KHDRBS2: variants seen among roughly 807,000 people sequenced by gnomAD.
KHDRBS2 encodes the protein KH RNA binding domain containing, signal transduction associated 2, also known as KH domain-containing, RNA-binding, signal transduction-associated protein 2.
Under a neutral mutation model 44.3 loss-of-function variants are expected in KHDRBS2, and 26 were observed. The ratio of observed to expected loss-of-function variants is 0.59; its 90% CI spans 0.43 to 0.81. The LOEUF is 0.81. KHDRBS2 is among the 40% of genes least tolerant of loss of function. KHDRBS2 has a pLI of 0.00. For missense variants in KHDRBS2, 476 were observed against 433.1 expected, an observed-to-expected ratio of 1.10 and a Z score of -0.88; for synonymous variants, 194 against 151.1, an observed-to-expected ratio of 1.28 and a Z score of -2.08.
chr6:62,252,467 CTTA>C (rs1234716053), intron 1 of KHDRBS2, among the ~76,000 whole-genome samples: 1 of 151,882 alleles, frequency 6.6e-6, no homozygotes, highest in Non-Finnish European at 1.5e-5. Context: ...CTATTCAAAT[CTTA>C]TTATAGATAT....
rs1807988859 is a variant in KHDRBS2 at position 62,122,763 on chromosome 6, CCACTCAGGTGAGTGGAGGCCAG to C, written c.219+54400_219+54421del. 2.4e-5 allele frequency among the ~76,000 whole-genome samples: 3 copies of C among 125,886 alleles called. 1 individual carries two copies. The highest frequency in any genetic ancestry group is 2.5e-4 in the South Asian group (1 of 3,950). The allele number at this position is 125,886 out of a possible 152,430, so 82.6% of individuals were successfully genotyped here. A position where few individuals can be genotyped will look rare whatever the true frequency, so the allele number is the denominator to read the frequency against. ...ACTACAGCCCCCTTTTAGCCAGTGT[CCACTCAGGTGAGTGGAGGCCAG>C]TTTTAAACAAGGCCAGTTTCATAAA... On this transcript the variant is annotated intron_variant, in intron 2 of 8. Transcript: ENST00000281156.
At chr6:62,020,831 C>A (rs79272342) in intron 3 of KHDRBS2, among the ~76,000 whole-genome samples, 31,217 of 151,918 alleles carry the variant, frequency 0.21, 3,767 homozygotes, top group Admixed American at 0.32. Context: ...TTCAAGTGTG[C>A]ATCTCAGAGG....
chr6:61,773,635 C>T (rs1781398660), intron 6 of KHDRBS2, among the ~76,000 whole-genome samples: 1 of 149,272 alleles, frequency 6.7e-6, no homozygotes, highest in African/African-American at 2.5e-5. Context: ...TGTGCAGAAG[C>T]TCTTTAGTTT....
intron 2 of KHDRBS2, among the ~76,000 whole-genome samples, chr6:62,102,158 C>G (rs1324548273): frequency 6.6e-6 from 1 of 152,084 alleles, no homozygotes; most frequent in Non-Finnish European, 1.5e-5. Context: ...TTTAATAGGA[C>G]TTGAAAATTC....
chr6:62,032,302 C>T (rs960149966), intron 3 of KHDRBS2, among the ~76,000 whole-genome samples: 24 of 152,072 alleles, frequency 1.6e-4, no homozygotes, highest in Non-Finnish European at 2.5e-4. Context: ...CAGCTGCCAG[C>T]GCAGCTAGAC....
At chr6:61,954,408 TGCATACATATATACGTATGTATGC>T (rs1336511656) in intron 4 of KHDRBS2, among the ~76,000 whole-genome samples, 50 of 90,902 alleles carry the variant, frequency 5.5e-4, no homozygotes, top group African/African-American at 1.4e-3. Flanking sequence ...TATGTATGCA[TGCATACATATATACGTATGTATGC>T]ATGCATACAT....
At chr6:61,606,762 G>A in the KHDRBS2 span, among the ~76,000 whole-genome samples, 329 of 152,292 alleles carry the variant, frequency 2.2e-3, 9 homozygotes, top group East Asian at 0.054. Context: ...ATTGAGGAGG[G>A]CTTCAGAGAA....
the KHDRBS2 span, among the ~76,000 whole-genome samples, chr6:61,658,599 A>G: frequency 6.6e-6 from 1 of 151,960 alleles, no homozygotes; most frequent in Non-Finnish European, 1.5e-5. Flanking sequence ...AAAAACACAC[A>G]TTTCCAGGTT....
At chr6:62,002,395 C>A (rs966126070) in intron 3 of KHDRBS2, among the ~76,000 whole-genome samples, 2 of 151,606 alleles carry the variant, frequency 1.3e-5, no homozygotes, top group African/African-American at 4.8e-5. Flanking sequence ...GGATACTTTT[C>A]TGATAAAAAT....
At chr6:61,981,811 T>C (rs929114773) in intron 3 of KHDRBS2, among the ~76,000 whole-genome samples, 9 of 152,138 alleles carry the variant, frequency 5.9e-5, no homozygotes, top group Non-Finnish European at 8.8e-5. Flanking sequence ...ATGGGAAGCA[T>C]TGTCAAATAA....
chr6:61,572,390 A>G, the KHDRBS2 span, among the ~76,000 whole-genome samples: 5 of 152,184 alleles, frequency 3.3e-5, no homozygotes, highest in Admixed American at 2.0e-4. Context: ...TCAATGAGAC[A>G]TTCAAAGAAG....
chr6:62,121,612 C>T (rs1375348497), intron 2 of KHDRBS2, among the ~76,000 whole-genome samples: 2 of 152,226 alleles, frequency 1.3e-5, no homozygotes, highest in Non-Finnish European at 2.9e-5. Flanking sequence ...CTTCAGCTGG[C>T]AAGGCCAGCA....
intron 6 of KHDRBS2, chr6:61,814,018 C>A (rs1788522969): frequency 2.2e-6 from 1 of 455,802 alleles, no homozygotes; most frequent in Non-Finnish European, 4.4e-6. Context: ...TCTGGTTGAA[C>A]TCCAATTAGA....
intron 6 of KHDRBS2, among the ~76,000 whole-genome samples, chr6:61,814,710 G>A (rs1192922453): frequency 6.6e-6 from 1 of 152,128 alleles, no homozygotes; most frequent in Non-Finnish European, 1.5e-5. Flanking sequence ...AATGAGTGTG[G>A]TCAGGGGTGG....
chr6:62,069,758 T>C (rs904033591), intron 2 of KHDRBS2, among the ~76,000 whole-genome samples: 1 of 151,832 alleles, frequency 6.6e-6, no homozygotes, highest in Non-Finnish European at 1.5e-5. Context: ...GGATAGTTTG[T>C]ACTGCCATTA....
chr6:61,782,731 ATATAT>A (rs2127582024), intron 6 of KHDRBS2, among the ~76,000 whole-genome samples: 1 of 139,872 alleles, frequency 7.1e-6, no homozygotes, highest in East Asian at 2.1e-4. Flanking sequence ...ATATATATAT[ATATAT>A]ATACACACAC....
At chr6:62,069,988 A>G (rs1299284321) in intron 2 of KHDRBS2, among the ~76,000 whole-genome samples, 3 of 151,222 alleles carry the variant, frequency 2.0e-5, no homozygotes, top group Non-Finnish European at 4.4e-5. Context: ...TAGGATTTTT[A>G]GTTTGTTTTG....
At chr6:62,081,997 T>A (rs1181360251) in intron 2 of KHDRBS2, among the ~76,000 whole-genome samples, 39 of 152,112 alleles carry the variant, frequency 2.6e-4, no homozygotes, top group Admixed American at 2.1e-3. Context: ...AATATTGAAA[T>A]ACATCAAAAA....
At chr6:62,152,035 A>G (rs1030151269) in intron 2 of KHDRBS2, among the ~76,000 whole-genome samples, 1 of 152,164 alleles carries the variant, frequency 6.6e-6, no homozygotes, top group African/African-American at 2.4e-5. Context: ...AATAGTGCTT[A>G]CTGGCTGGGC....
Sources: gnomAD v4.1 joint callset for allele counts (sites outside exome capture counted in the v4.1 genomes callset) on GRCh38, gnomAD v4.1.1 for gene constraint, MANE v1.5 for transcripts, NCBI Gene and HGNC (gene_info 2026-07-23, HGNC 2026-07-21) for gene names.